The following ITPR2 variants were observed in gnomAD, a reference collection of about 807,000 sequenced individuals.
ITPR2 encodes inositol 1,4,5-trisphosphate receptor type 2.
Under a neutral mutation model 317.1 loss-of-function variants are expected in ITPR2, and 207 were observed. The observed-to-expected ratio is 0.65, with a 90% CI of 0.58 to 0.73. ITPR2 has a LOEUF of 0.73. Ranked by LOEUF, ITPR2 falls within the 30% of genes least tolerant of loss-of-function variation. The pLI, the probability that ITPR2 is intolerant of heterozygous loss-of-function variation, is 0.00. For synonymous variants in ITPR2, 1,156 were observed against 1,149.1 expected (o/e 1.01, Z -0.12); for missense variants, 2,613 against 3,284.0 (o/e 0.80, Z 4.99).
chr12:26,784,514 G>A (rs1950173456), intron 2 of ITPR2, among the ~76,000 whole-genome samples: 1 of 148,888 alleles, frequency 6.7e-6, no homozygotes, highest in Non-Finnish European at 1.5e-5. Flanking sequence ...CTGGTTTTCG[G>A]TTTTTTTTTG....
At chr12:26,620,681 T>C (rs1276897389) in intron 26 of ITPR2, among the ~76,000 whole-genome samples, 1 of 152,202 alleles carries the variant, frequency 6.6e-6, no homozygotes, top group African/African-American at 2.4e-5. Flanking sequence ...TAAAGCATAT[T>C]GGTCTTCCAT....
chr12:26,567,988 AT>A lies in ITPR2; in HGVS notation c.4631-6037del, dbSNP rs1388619781. ...TATATATTATATATATTATATATATATATATATATTATATATATTATATATA... is the reference window on the plus strand; with the variant it reads ...TATATATTATATATATTATATATATAATATATATTATATATATTATATATA... On this transcript the variant is annotated intron_variant, in intron 34 of 56. Coordinates refer to ENST00000381340, the MANE Select transcript of ITPR2 (RefSeq NM_002223.4). Among the ~76,000 whole-genome samples the A allele has an allele frequency of 6.8e-3, 762 of 111,846 alleles. 48 individuals carry two copies. The highest frequency in any genetic ancestry group is 0.026 in the African/African-American group (684 of 25,952). The allele number at this position is 111,846 out of a possible 152,430, so 73.4% of individuals were successfully genotyped here.
At chr12:26,721,944 T>C (rs942241939) in intron 5 of ITPR2, among the ~76,000 whole-genome samples, 1 of 152,098 alleles carries the variant, frequency 6.6e-6, no homozygotes, top group Non-Finnish European at 1.5e-5. Flanking sequence ...GCTCCTCTAC[T>C]CCATCTCTAT....
Position 26,663,674 on chromosome 12 carries a change from T to C in ITPR2, c.1713+11A>G. 2 of 1,600,566 alleles carry C rather than the reference T, an allele frequency of 1.2e-6. No homozygotes were observed. The highest frequency in any genetic ancestry group is 1.1e-5 in the South Asian group (1 of 88,454). On this transcript the variant is annotated intron_variant, in intron 15 of 56. Coordinates refer to ENST00000381340, the MANE Select transcript of ITPR2 (RefSeq NM_002223.4). ...ATATGAAACAGTTTAAAATGGGGGC[T>C]ACCCTCTGACCTGATTTTTCCGGTA...
At chr12:26,627,833 G>C (rs771166618) in intron 23 of ITPR2, among the ~76,000 whole-genome samples, 200 bp downstream of exon 23, 2 of 152,066 alleles carry the variant, frequency 1.3e-5, no homozygotes, top group Non-Finnish European at 2.9e-5. Flanking sequence ...ATGACGGGTT[G>C]ATGGGTGCAG....
intron 37 of ITPR2, among the ~76,000 whole-genome samples, chr12:26,499,110 A>T (rs1382482320): frequency 6.6e-6 from 1 of 152,252 alleles, no homozygotes; most frequent in Non-Finnish European, 1.5e-5. Context: ...TTTACTTTTT[A>T]AAATGCCGTT....
In ITPR2 at chr12:26,597,043, C is replaced by T. The variant is rs200067611; in HGVS notation, c.4094G>A (p.Arg1365Gln). The T allele has an allele frequency of 6.1e-5, 98 of 1,613,950 alleles. No homozygotes were observed. The highest frequency in any genetic ancestry group is 6.0e-4 in the East Asian group (27 of 44,888). The change falls in exon 31 of 57, where the codon CGA becomes CAA. Residue 1365 changes from arginine (R) to glutamine (Q), a missense_variant. This residue lies in a region of ITPR2 where 817 missense variants were observed against 897.6 expected (regional missense o/e 0.91). Transcript: ENST00000381340. ...LLHMMCSERD[R>Q]GDESGPLAYH... ...GGCTAAGGGGCCACTCTCATCCCCT[C>T]GGTCTCTCTCTGAACACATCATATG...
At chr12:26,708,822 A>G (rs1476133788) in intron 9 of ITPR2, among the ~76,000 whole-genome samples, 1 of 152,262 alleles carries the variant, frequency 6.6e-6, no homozygotes, top group African/African-American at 2.4e-5. Context: ...CAAATACCCT[A>G]TGTGATTATT....
At position 26,832,841 on chromosome 12, in the gene ITPR2, T is replaced by C. The variant is rs1186581506; in HGVS notation, c.-60A>G. On this transcript the variant is annotated 5_prime_UTR_variant, in exon 1 of 57. Coordinates refer to ENST00000381340, the MANE Select transcript of ITPR2 (RefSeq NM_002223.4). ...TTCCCTGCGCCCTCGCCGCCCTCTC[T>C]CCAGGGAGCCGCCGCGGCAGAAGCG... 7.5e-7 allele frequency: 1 copy of C among 1,335,126 alleles called. No homozygotes were observed. The highest frequency in any genetic ancestry group is 2.5e-5 in the East Asian group (1 of 39,790). 82.7% of individuals were successfully genotyped at this position (1,335,126 alleles called of 1,614,324 possible).
At chr12:26,718,240 C>A (rs1383290394) in intron 5 of ITPR2, among the ~76,000 whole-genome samples, 3 of 151,964 alleles carry the variant, frequency 2.0e-5, no homozygotes, top group African/African-American at 7.3e-5. Flanking sequence ...GTGTGTTGTT[C>A]CCCTCTCTGT....
intron 2 of ITPR2, among the ~76,000 whole-genome samples, chr12:26,764,598 C>G (rs1040698114): frequency 7.2e-5 from 11 of 151,920 alleles, no homozygotes; most frequent in African/African-American, 2.4e-4. Flanking sequence ...GCACATGTAT[C>G]CCAGAACTTA....
intron 55 of ITPR2, among the ~76,000 whole-genome samples, chr12:26,385,944 C>T (rs1939653067): frequency 6.6e-6 from 1 of 152,082 alleles, no homozygotes; most frequent in Non-Finnish European, 1.5e-5. Context: ...TCTTACTAAG[C>T]TCTATGTTCC....
At chr12:26,649,331 G>T (rs1181842647) in intron 21 of ITPR2, 1 of 152,096 alleles carries the variant, frequency 6.6e-6, no homozygotes, top group Non-Finnish European at 1.5e-5. Context: ...AAGTACATTA[G>T]CTTAGCTAAG....
intron 55 of ITPR2, among the ~76,000 whole-genome samples, chr12:26,374,856 T>C (rs1939291384): frequency 6.6e-6 from 1 of 152,250 alleles, no homozygotes; most frequent in African/African-American, 2.4e-5. Flanking sequence ...TGAATCACTT[T>C]TGTAAAATTC....
At chr12:26,687,739 C>G (rs145742753) in intron 10 of ITPR2, among the ~76,000 whole-genome samples, 1 of 152,112 alleles carries the variant, frequency 6.6e-6, no homozygotes, top group Non-Finnish European at 1.5e-5. Flanking sequence ...GAACTGCCAG[C>G]GTTCCTAAAC....
At chr12:26,391,569 T>A (rs1390751321) in intron 54 of ITPR2, among the ~76,000 whole-genome samples, 4 of 133,314 alleles carry the variant, frequency 3.0e-5, no homozygotes, top group Admixed American at 2.9e-4. Context: ...TTTTTTTTTT[T>A]TTTTTTTTTT....
intron 2 of ITPR2, among the ~76,000 whole-genome samples, chr12:26,783,976 C>G (rs968694071): frequency 6.6e-6 from 1 of 151,576 alleles, no homozygotes; most frequent in African/African-American, 2.4e-5. Flanking sequence ...GGTTCAGGAA[C>G]AGGAAAAGGA....
intron 9 of ITPR2, among the ~76,000 whole-genome samples, chr12:26,704,842 G>A (rs4142698): frequency 0.2 from 30,783 of 151,968 alleles, 3,922 homozygotes; most frequent in East Asian, 0.56. Flanking sequence ...AGTATGCATG[G>A]GATTTTTTTC....
intron 48 of ITPR2, among the ~76,000 whole-genome samples, chr12:26,431,163 A>G (rs957140352): frequency 2.0e-5 from 3 of 152,228 alleles, no homozygotes; most frequent in Non-Finnish European, 2.9e-5. Context: ...AATTGAAATC[A>G]CCATGAAGAA....
Sources: allele counts gnomAD v4.1 joint callset (sites outside exome capture counted in the v4.1 genomes callset), GRCh38; gene constraint gnomAD v4.1.1; regional missense constraint gnomAD v4.1.1; transcripts MANE v1.5; gene names NCBI Gene and HGNC (gene_info 2026-07-23, HGNC 2026-07-21).